Variants in JPH1 observed in about 807,000 individuals in gnomAD.
JPH1 encodes junctophilin-1.
JPH1 carries 12 observed loss-of-function variants against 53.6 expected under a neutral mutation model. The ratio of observed to expected loss-of-function variants is 0.22; its 90% CI spans 0.14 to 0.36. The LOEUF is 0.36. JPH1 is among the 10% of genes least tolerant of loss of function. The pLI, the probability that JPH1 is intolerant of heterozygous loss-of-function variation, is 1.00. For synonymous variants in JPH1, 375 were observed against 363.8 expected, an observed-to-expected ratio of 1.03 and a Z score of -0.35; for missense variants, 808 against 905.5, an observed-to-expected ratio of 0.89 and a Z score of 1.38.
At chr8:74,248,748 C>T (rs1805941981) in intron 3 of JPH1, among the ~76,000 whole-genome samples, 1 of 152,184 alleles carries the variant, frequency 6.6e-6, no homozygotes, top group Non-Finnish European at 1.5e-5. Flanking sequence ...TTTTCCTGGA[C>T]TATTTTCTCT....
intron 3 of JPH1, among the ~76,000 whole-genome samples, chr8:74,250,943 T>G (rs562529245): frequency 6.6e-6 from 1 of 152,324 alleles, no homozygotes; most frequent in African/African-American, 2.4e-5. Context: ...ATGCTCTCCT[T>G]GTTGGCAGAA....
chr8:74,267,643 G>A (rs748235169), intron 2 of JPH1, among the ~76,000 whole-genome samples: 1 of 152,170 alleles, frequency 6.6e-6, no homozygotes, highest in Non-Finnish European at 1.5e-5. Context: ...GCGAGGAAGT[G>A]GGCAGAAGAA....
At position 74,244,692 on chromosome 8, in the gene JPH1, A is replaced by C. The variant is rs1586731215; in HGVS notation, c.1742T>G (p.Val581Gly). ...DGSSQSSSAL[V>G]HKPSANKWSP... ...CCACTTGTTAGCGGATGGCTTGTGC[A>C]CCAGTGCTGAGGAAGACTGGCTGGA... The change falls in exon 4 of 6, where the codon GTG (valine) becomes GGG (glycine). Residue 581 changes from valine to glycine, a missense_variant. Physicochemically the swap from Val to Gly is moderately radical, Grantham distance 109. This residue lies in a region of JPH1 where 756 missense variants were observed against 811.9 expected (regional missense o/e 0.93). Transcript: ENST00000342232. 6.2e-7 allele frequency: 1 copy of C among 1,613,972 alleles called. No homozygotes were observed. The highest frequency in any genetic ancestry group is 8.5e-7 in the Non-Finnish European group (1 of 1,180,032).
intron 2 of JPH1, among the ~76,000 whole-genome samples, chr8:74,291,675 C>T (rs1442119080): frequency 6.6e-6 from 1 of 152,138 alleles, no homozygotes. Context: ...GACACATGCA[C>T]AAGTATGTTT....
At chr8:74,250,490 T>C (rs1806014389) in intron 3 of JPH1, among the ~76,000 whole-genome samples, 1 of 152,244 alleles carries the variant, frequency 6.6e-6, no homozygotes, top group Non-Finnish European at 1.5e-5. Context: ...CCAATCTTCC[T>C]TTCCAGGAAG....
intron 3 of JPH1, among the ~76,000 whole-genome samples, chr8:74,253,035 A>G (rs1806112349): frequency 6.6e-6 from 1 of 152,108 alleles, no homozygotes; most frequent in Non-Finnish European, 1.5e-5. Flanking sequence ...CTCTGCACCA[A>G]GCAGATCTAA....
chr8:74,240,395 T>C (rs1024735301), intron 4 of JPH1, among the ~76,000 whole-genome samples: 2 of 152,064 alleles, frequency 1.3e-5, no homozygotes, highest in Non-Finnish European at 2.9e-5. Flanking sequence ...CATCCCCTCT[T>C]CTCCCCTACG....
chr8:74,295,431 T>G (rs1053968514), intron 2 of JPH1, among the ~76,000 whole-genome samples: 2 of 152,214 alleles, frequency 1.3e-5, no homozygotes, highest in African/African-American at 2.4e-5. Context: ...CACTGTCTTT[T>G]CACAATACTT....
intron 2 of JPH1, among the ~76,000 whole-genome samples, chr8:74,288,758 A>G (rs534627533): frequency 3.3e-5 from 5 of 152,344 alleles, no homozygotes; most frequent in African/African-American, 9.6e-5. Flanking sequence ...TTTTGCAATT[A>G]ATTAGGTTGG....
rs557334659 is a variant in JPH1 at position 74,242,644 on chromosome 8, C to T, written c.1905+1885G>A. On this transcript the variant is annotated intron_variant, in intron 4 of 5. Coordinates refer to ENST00000342232, the MANE Select transcript of JPH1 (RefSeq NM_020647.4). ...TAACTCTGAGGAGTGGGGACGGCAG[C>T]GTTCTGTTACTATTGGGAAGACAAT... 2.0e-5 allele frequency among the ~76,000 whole-genome samples: 3 copies of T among 152,306 alleles called. No homozygotes were observed. In the South Asian group the frequency reaches 6.2e-4, roughly 32 times the overall value.
chr8:74,254,580 A>G (rs1391889659), intron 3 of JPH1, among the ~76,000 whole-genome samples: 2 of 152,112 alleles, frequency 1.3e-5, no homozygotes, highest in African/African-American at 4.8e-5. Context: ...AGGGCATTCA[A>G]TTAGGAAAAG....
At chr8:74,289,237 A>C (rs1358340425) in intron 2 of JPH1, among the ~76,000 whole-genome samples, 2 of 152,192 alleles carry the variant, frequency 1.3e-5, no homozygotes, top group African/African-American at 4.8e-5. Context: ...TCTTTACGTG[A>C]TTAATAGGAA....
At chr8:74,272,558 G>A (rs1185926419) in intron 2 of JPH1, among the ~76,000 whole-genome samples, 1 of 151,048 alleles carries the variant, frequency 6.6e-6, no homozygotes, top group African/African-American at 2.4e-5. Flanking sequence ...GAAATGAAAA[G>A]GTTCTGATTT....
chr8:74,253,087 A>G (rs913925253), intron 3 of JPH1, among the ~76,000 whole-genome samples: 1 of 152,144 alleles, frequency 6.6e-6, no homozygotes, highest in Non-Finnish European at 1.5e-5. Context: ...AACAGAATAT[A>G]CATTCTTTTC....
chr8:74,320,979 G>T lies in JPH1; in HGVS notation c.309C>A (p.Pro103=). 2 of 1,610,916 alleles carry T rather than the reference G, an allele frequency of 1.2e-6. No homozygotes were observed. The highest frequency in any genetic ancestry group is 8.5e-7 in the Non-Finnish European group (1 of 1,178,704). Residue 103 remains proline (P), a synonymous_variant, in exon 1 of 6, where the codon CCC becomes CCA. Transcript: ENST00000342232. This position sits in a 1 kb window ranked among gnomAD's most constrained non-coding sequence, Gnocchi z 4.4. ...RYGVRQSLCT[P]ARYEGTWSNG... ...TACTCCAGGTACCCTCGTAGCGAGC[G>T]GGGGTGCACAGGCTCTGCCGGACCC...
chr8:74,289,448 A>G (rs907112946), intron 2 of JPH1, among the ~76,000 whole-genome samples: 4 of 152,230 alleles, frequency 2.6e-5, no homozygotes, highest in African/African-American at 9.6e-5. Flanking sequence ...TAAATGAAAA[A>G]TGTGCAATAA....
At chr8:74,294,872 G>A (rs931308151) in intron 2 of JPH1, among the ~76,000 whole-genome samples, 7 of 152,198 alleles carry the variant, frequency 4.6e-5, no homozygotes, top group African/African-American at 1.7e-4. Flanking sequence ...AGCTATTGCT[G>A]TTCTTTTCCC....
intron 4 of JPH1, 39 bp downstream of exon 4, chr8:74,244,490 G>C: frequency 6.5e-7 from 1 of 1,549,180 alleles, no homozygotes. Flanking sequence ...AAGAAACAAA[G>C]GGAAGAAAGA....
At chr8:74,265,195 C>T (rs1012025585) in intron 2 of JPH1, among the ~76,000 whole-genome samples, 1 of 152,124 alleles carries the variant, frequency 6.6e-6, no homozygotes, top group African/African-American at 2.4e-5. Context: ...GAACTCTAGC[C>T]CCCTGCAGTG....
Sources: gnomAD v4.1 joint callset for allele counts (sites outside exome capture counted in the v4.1 genomes callset) on GRCh38, gnomAD v4.1.1 for gene constraint, gnomAD v4.1.1 regional missense constraint, Gnocchi (gnomAD v3.1) non-coding constraint, MANE v1.5 for transcripts, NCBI Gene and HGNC (gene_info 2026-07-23, HGNC 2026-07-21) for gene names.